Variants in EDEM3 observed in about 807,000 individuals in gnomAD.
EDEM3 encodes the protein ER degradation enhancing alpha-mannosidase like protein 3, also known as ER degradation-enhancing alpha-mannosidase-like protein 3.
Under a neutral mutation model 110.2 loss-of-function variants are expected in EDEM3, and 60 were observed. The ratio of observed to expected loss-of-function variants is 0.54; its 90% CI spans 0.44 to 0.67. The LOEUF is 0.67. Ranked by LOEUF, EDEM3 falls within the 30% of genes least tolerant of loss-of-function variation. EDEM3 has a pLI of 0.00. For synonymous variants in EDEM3, 352 were observed against 382.9 expected (o/e 0.92, Z 0.94); for missense variants, 996 against 1,121.0 (o/e 0.89, Z 1.59).
At position 184,754,615 on chromosome 1, in the gene EDEM3, G is replaced by T; in HGVS notation, c.32C>A (p.Ser11Tyr). The T allele has an allele frequency of 6.2e-7, 1 of 1,604,340 alleles. No individual in the cohort carries two copies. The highest frequency in any genetic ancestry group is 8.5e-7 in the Non-Finnish European group (1 of 1,175,766). ...CCATCGCGCTCGCTGGGGAACCGGG[G>T]ACCCACAGCCCCGGCCGCCGGCTTC... Reference protein sequence around the residue: MSEAGGRGCGSPVPQRARWRL... With the variant: MSEAGGRGCGYPVPQRARWRL... Residue 11 changes from serine to tyrosine, a missense_variant, in exon 1 of 20, where the codon TCC becomes TAC. This residue lies in a region of EDEM3 where 200 missense variants were observed against 183.8 expected (regional missense o/e 1.09). Coordinates refer to ENST00000318130, the MANE Select transcript of EDEM3 (RefSeq NM_025191.4).
chr1:184,743,720 A>G (rs988651692), intron 2 of EDEM3, among the ~76,000 whole-genome samples: 40 of 152,186 alleles, frequency 2.6e-4, no homozygotes, highest in African/African-American at 9.4e-4. Flanking sequence ...GGACAATGTG[A>G]TATTTGTATA....
Position 184,698,154 on chromosome 1 carries a change from G to A in EDEM3, c.2390-3682C>T, listed in dbSNP as rs544902678. Among the ~76,000 whole-genome samples the A allele has an allele frequency of 9.0e-4, 137 of 151,830 alleles. 1 individual carries two copies. The highest frequency in any genetic ancestry group is 3.2e-3 in the African/African-American group (132 of 41,502). ...TGCTGACTAAAATAGGAAGAAACAT[G>A]TACTCTCATATCTTGCTGGAAAGGA... On this transcript the variant is annotated intron_variant, in intron 19 of 19. Transcript: ENST00000318130.
At chr1:184,706,216 G>A (rs887907505) in intron 18 of EDEM3, among the ~76,000 whole-genome samples, 1 of 152,112 alleles carries the variant, frequency 6.6e-6, no homozygotes, top group Non-Finnish European at 1.5e-5. Context: ...TTTTGTGGTA[G>A]AGCCAGGAAC....
In EDEM3 at chr1:184,721,274, A is replaced by G. The variant is rs750226688; in HGVS notation, c.951+15T>C. 45 of 1,576,118 alleles carry G rather than the reference A, an allele frequency of 2.9e-5. 1 individual carries two copies. The South Asian group carries it at 5.1e-4, about 18-fold the overall frequency. On this transcript the variant is annotated intron_variant, in intron 9 of 19. Transcript: ENST00000318130. ...AATGAAGTTGATTATAAAATATAAA[A>G]TTGTATCAACTTACTGTGTTAAATC...
chr1:184,731,214 T>C (rs535961462), intron 6 of EDEM3, among the ~76,000 whole-genome samples: 1 of 152,316 alleles, frequency 6.6e-6, no homozygotes, highest in Admixed American at 6.5e-5. Context: ...ATAGTGTTAA[T>C]AAAGAATGAG....
In EDEM3 at chr1:184,737,078, GT is replaced by G. The variant is rs10711907; in HGVS notation, c.306-15del. On this transcript the variant is annotated splice_polypyrimidine_tract_variant and intron_variant, in intron 3 of 19. Coordinates refer to ENST00000318130, the MANE Select transcript of EDEM3 (RefSeq NM_025191.4). ...GTCAGAGAAAATCTAAGAAACAAGC[GT>G]TAACAAGATATAAAACATTAGAATC... 0.51 allele frequency: 811,819 copies of G among 1,602,944 alleles called. 211,389 individuals are homozygous for G. Among genetic ancestry groups the G allele is most frequent in the African/African-American group, 0.79 (58,708 of 74,734 alleles).
intron 2 of EDEM3, among the ~76,000 whole-genome samples, chr1:184,739,931 TG>T (rs1206218373): frequency 1.3e-5 from 2 of 152,130 alleles, no homozygotes; most frequent in African/African-American, 4.8e-5. Flanking sequence ...GCGGGAGTTA[TG>T]TTAATGCCCA....
At position 184,754,639 on chromosome 1, in the gene EDEM3, T is replaced by C; in HGVS notation, c.8A>G (p.Glu3Gly). The change falls in exon 1 of 20, where the codon GAA (glutamate) becomes GGA (glycine). Residue 3 changes from glutamate to glycine, a missense_variant. This residue lies in a region of EDEM3 where 200 missense variants were observed against 183.8 expected (regional missense o/e 1.09). Transcript: ENST00000318130. Reference sequence around the variant, plus strand: ...GGACCCACAGCCCCGGCCGCCGGCTTCGCTCATGGCCCCGCGGTTCCGCGC... The same window carrying C: ...GGACCCACAGCCCCGGCCGCCGGCTCCGCTCATGGCCCCGCGGTTCCGCGC... Reference protein sequence around the residue: MSEAGGRGCGSPV... With the variant: MSGAGGRGCGSPV... 6.3e-7 allele frequency: 1 copy of C among 1,578,114 alleles called. No individual in the cohort carries two copies. Among genetic ancestry groups the C allele is most frequent in the Non-Finnish European group, 8.6e-7 (1 of 1,162,212 alleles).
At chr1:184,754,026 C>A (rs1652937614) in intron 1 of EDEM3, among the ~76,000 whole-genome samples, 1 of 152,210 alleles carries the variant, frequency 6.6e-6, no homozygotes, top group East Asian at 1.9e-4. Flanking sequence ...AGTTCAAGTT[C>A]CAATGAACGC....
chr1:184,712,116 C>T (rs562624969), intron 14 of EDEM3, among the ~76,000 whole-genome samples: 8 of 151,824 alleles, frequency 5.3e-5, no homozygotes, highest in South Asian at 2.1e-4. Context: ...TTAGTAGAGA[C>T]GGGGTTTCAC....
At chr1:184,699,799 ACTATAGG>A (rs1649518994) in intron 19 of EDEM3, among the ~76,000 whole-genome samples, 1 of 152,032 alleles carries the variant, frequency 6.6e-6, no homozygotes, top group East Asian at 1.9e-4. Flanking sequence ...CCCTTAAGGC[ACTATAGG>A]CTTACACTCT....
At chr1:184,726,224 C>G in intron 7 of EDEM3, 31 bp downstream of exon 7, 1 of 1,608,816 alleles carries the variant, frequency 6.2e-7, no homozygotes, top group Non-Finnish European at 8.5e-7. Flanking sequence ...ATGCCCAATA[C>G]CCAGGATATC....
At chr1:184,724,728 TTTAA>T (rs1651100384) in intron 7 of EDEM3, among the ~76,000 whole-genome samples, 1 of 152,164 alleles carries the variant, frequency 6.6e-6, no homozygotes, top group African/African-American at 2.4e-5. Context: ...AGGTTATAAT[TTTAA>T]TTAAATGGCA....
intron 18 of EDEM3, among the ~76,000 whole-genome samples, 160 bp from the exon 19 acceptor site, chr1:184,703,156 G>A (rs940071425): frequency 1.3e-5 from 2 of 152,028 alleles, no homozygotes; most frequent in Non-Finnish European, 2.9e-5. Flanking sequence ...TCATAGAAAC[G>A]TATCCAAAGG....
chr1:184,718,923 A>T (rs1650706689), intron 11 of EDEM3, among the ~76,000 whole-genome samples: 1 of 152,150 alleles, frequency 6.6e-6, no homozygotes, highest in Non-Finnish European at 1.5e-5. Context: ...ATAAAATTTT[A>T]AAAATGTCAG....
Position 184,714,403 on chromosome 1 carries a change from T to C in EDEM3, c.1371-1805A>G, listed in dbSNP as rs565473822. Among the ~76,000 whole-genome samples, 5 of 152,362 alleles carry C rather than the reference T, an allele frequency of 3.3e-5. No individual in the cohort carries two copies. In the East Asian group the frequency reaches 9.6e-4, roughly 29 times the overall value. ...GACAGTGTCTTAGCAAATATTTTCCTATTATTTTTGCCATTTACATTCTTT... is the reference window on the plus strand; with the variant it reads ...GACAGTGTCTTAGCAAATATTTTCCCATTATTTTTGCCATTTACATTCTTT... On this transcript the variant is annotated intron_variant, in intron 13 of 19. Coordinates refer to ENST00000318130, the MANE Select transcript of EDEM3 (RefSeq NM_025191.4).
At chr1:184,750,052 G>A (rs891933390) in intron 1 of EDEM3, among the ~76,000 whole-genome samples, 3 of 152,190 alleles carry the variant, frequency 2.0e-5, no homozygotes, top group Non-Finnish European at 4.4e-5. Flanking sequence ...CAGGTGTGTA[G>A]TGACATGAAA....
intron 16 of EDEM3, among the ~76,000 whole-genome samples, chr1:184,709,103 C>T (rs2102069651): frequency 6.6e-6 from 1 of 152,160 alleles, no homozygotes; most frequent in South Asian, 2.1e-4. Flanking sequence ...CAAACCTATC[C>T]TGAAATTTCC....
chr1:184,732,133 G>A (rs373577468), intron 6 of EDEM3, among the ~76,000 whole-genome samples: 3 of 151,974 alleles, frequency 2.0e-5, no homozygotes, highest in South Asian at 2.1e-4. Flanking sequence ...CCGAGATCGC[G>A]CCACTGCACT....
Sources: allele counts gnomAD v4.1 joint callset (sites outside exome capture counted in the v4.1 genomes callset), GRCh38; gene constraint gnomAD v4.1.1; regional missense constraint gnomAD v4.1.1; transcripts MANE v1.5; gene names NCBI Gene and HGNC (gene_info 2026-07-23, HGNC 2026-07-21).